DLG2: variants seen among roughly 807,000 people sequenced by gnomAD.
DLG2 encodes the protein disks large homolog 2.
DLG2 carries 45 observed loss-of-function variants against 132.5 expected under a neutral mutation model. That is an observed-to-expected ratio of 0.34 (90% CI 0.27 to 0.44). DLG2 has a LOEUF of 0.44. DLG2 is among the 20% of genes least tolerant of loss of function. The pLI is 1.00. For synonymous variants in DLG2, 424 were observed against 419.6 expected (o/e 1.01, Z -0.13); for missense variants, 1,045 against 1,196.9 (o/e 0.87, Z 1.87).
In DLG2 at chr11:84,453,381, T is replaced by C. The variant is rs199975716; in HGVS notation, c.519+81189A>G. The stretch of plus-strand genomic sequence containing the variant: ...GGGATAAGAAAGTTGAGGTTCTATG[T>C]AATGGAACTGGTTATAAAGAATTTT... On this transcript the variant is annotated intron_variant, in intron 7 of 27. Coordinates refer to ENST00000376104, the MANE Select transcript of DLG2 (RefSeq NM_001142699.3). Among the ~76,000 whole-genome samples, 5 of 151,782 alleles carry C rather than the reference T, an allele frequency of 3.3e-5. No homozygotes were observed. The East Asian group carries it at 9.7e-4, about 29-fold the overall frequency.
intron 4 of DLG2, among the ~76,000 whole-genome samples, chr11:85,247,585 T>G (rs1215273918): frequency 6.6e-6 from 1 of 152,032 alleles, no homozygotes; most frequent in Non-Finnish European, 1.5e-5. Flanking sequence ...TATTCAATTT[T>G]CTTGTTGCTA....
chr11:84,511,117 A>T (rs1211187166), intron 7 of DLG2, among the ~76,000 whole-genome samples: 4 of 152,144 alleles, frequency 2.6e-5, no homozygotes, highest in Non-Finnish European at 5.9e-5. Flanking sequence ...AATATATAAA[A>T]TGAGTTTGAT....
chr11:84,631,344 A>G (rs2099631830), intron 6 of DLG2, among the ~76,000 whole-genome samples: 1 of 152,168 alleles, frequency 6.6e-6, no homozygotes, highest in Admixed American at 6.6e-5. Flanking sequence ...ACCATAATTA[A>G]GAAGACTGGT....
At chr11:83,701,946 G>A (rs910691633) in intron 18 of DLG2, among the ~76,000 whole-genome samples, 4 of 152,196 alleles carry the variant, frequency 2.6e-5, no homozygotes, top group African/African-American at 7.2e-5. Context: ...ATTTGAAGTT[G>A]AGAGATAGTC....
At chr11:83,559,019 A>C (rs1157212739) in intron 19 of DLG2, among the ~76,000 whole-genome samples, 1 of 152,150 alleles carries the variant, frequency 6.6e-6, no homozygotes, top group East Asian at 1.9e-4. Flanking sequence ...CTGCTGAATA[A>C]ATTGAAGAAG....
intron 3 of DLG2, among the ~76,000 whole-genome samples, chr11:85,574,042 A>G (rs2078004979): frequency 6.6e-6 from 1 of 152,184 alleles, no homozygotes; most frequent in Admixed American, 6.6e-5. Context: ...AGCTGATAAA[A>G]AAAAGCAGTG....
At chr11:85,143,603 C>A (rs1016437724) in intron 5 of DLG2, among the ~76,000 whole-genome samples, 7 of 151,512 alleles carry the variant, frequency 4.6e-5, no homozygotes, top group Non-Finnish European at 1.0e-4. Context: ...TTGCTATATC[C>A]CATAAGTTTA....
intron 6 of DLG2, among the ~76,000 whole-genome samples, chr11:84,918,727 A>C (rs753287869): frequency 1.4e-4 from 22 of 152,178 alleles, no homozygotes; most frequent in Non-Finnish European, 1.0e-4. Flanking sequence ...TGCGATTGGC[A>C]AATCCAGTAC....
intron 7 of DLG2, among the ~76,000 whole-genome samples, chr11:84,490,296 T>C (rs536333571): frequency 2.0e-4 from 30 of 152,304 alleles, no homozygotes; most frequent in Admixed American, 3.9e-4. Context: ...CAAATGGAAA[T>C]GCTTTAATAC....
chr11:83,564,866 A>G (rs2096676227), intron 19 of DLG2, among the ~76,000 whole-genome samples: 1 of 151,778 alleles, frequency 6.6e-6, no homozygotes, highest in African/African-American at 2.4e-5. Context: ...TTTTTTCTGC[A>G]CTGATTGGAT....
At chr11:83,661,757 GC>G (rs750474394) in intron 18 of DLG2, among the ~76,000 whole-genome samples, 30 of 152,182 alleles carry the variant, frequency 2.0e-4, no homozygotes, top group Non-Finnish European at 2.8e-4. Context: ...CTCCCTCAAT[GC>G]TGGATTCAAG....
At chr11:84,448,865 A>G (rs1199650138) in intron 7 of DLG2, among the ~76,000 whole-genome samples, 1 of 152,042 alleles carries the variant, frequency 6.6e-6, no homozygotes, top group East Asian at 1.9e-4. Flanking sequence ...GTAGGTAATA[A>G]TAACTATCTT....
intron 7 of DLG2, among the ~76,000 whole-genome samples, chr11:84,264,827 T>C (rs1000981973): frequency 7.2e-5 from 11 of 152,196 alleles, no homozygotes; most frequent in Admixed American, 2.6e-4. Context: ...TTTTATGTCA[T>C]AGGATGAGCA....
intron 4 of DLG2, among the ~76,000 whole-genome samples, chr11:85,274,778 T>C (rs1382283508): frequency 6.6e-6 from 1 of 152,178 alleles, no homozygotes; most frequent in Non-Finnish European, 1.5e-5. Context: ...AAATTATCTG[T>C]TTGATCGTAA....
chr11:84,129,847 T>G (rs1056771962), intron 9 of DLG2, among the ~76,000 whole-genome samples: 4 of 147,388 alleles, frequency 2.7e-5, no homozygotes, highest in Non-Finnish European at 5.9e-5. Flanking sequence ...AACTATGAAT[T>G]ATATCTCAAT....
chr11:85,568,077 C>T (rs7934482), intron 3 of DLG2, among the ~76,000 whole-genome samples: 2,218 of 148,950 alleles, frequency 0.015, 54 homozygotes, highest in African/African-American at 0.051. Flanking sequence ...TGCAATGGCG[C>T]GATCTTGGCT....
At chr11:84,156,888 T>C (rs1205820268) in intron 9 of DLG2, among the ~76,000 whole-genome samples, 1 of 152,210 alleles carries the variant, frequency 6.6e-6, no homozygotes. Flanking sequence ...TCAAAATAAC[T>C]AGAAAATCAT....
chr11:83,694,209 C>T (rs991061289), intron 18 of DLG2, among the ~76,000 whole-genome samples: 6 of 152,162 alleles, frequency 3.9e-5, no homozygotes, highest in African/African-American at 1.2e-4. Context: ...GGACTTCAAA[C>T]AAATGAAAAG....
chr11:83,851,499 C>T (rs1425324453), intron 16 of DLG2, among the ~76,000 whole-genome samples: 2 of 151,758 alleles, frequency 1.3e-5, no homozygotes, highest in African/African-American at 4.8e-5. Flanking sequence ...TGGTGGCAGG[C>T]ACCTGTAATC....
Sources: allele counts gnomAD v4.1 joint callset (sites outside exome capture counted in the v4.1 genomes callset), GRCh38; gene constraint gnomAD v4.1.1; transcripts MANE v1.5; gene names NCBI Gene and HGNC (gene_info 2026-07-23, HGNC 2026-07-21).